The following KCP variants were observed in gnomAD, a reference collection of about 807,000 sequenced individuals.
KCP encodes kielin cysteine rich BMP regulator.
KCP carries 194 observed loss-of-function variants against 212.7 expected under a neutral mutation model. That is an observed-to-expected ratio of 0.91 (90% CI 0.81 to 1.03). The LOEUF (loss-of-function observed/expected upper bound fraction) is 1.03, where lower values mean the gene tolerates loss of function less well. Among genes scored for constraint, KCP ranks in the 50% least tolerant of loss-of-function variants. The probability of loss-of-function intolerance (pLI) is 0.00; values close to 1 mark genes in which losing one functional copy is unlikely to be tolerated. For synonymous variants in KCP, 833 were observed against 865.3 expected, an observed-to-expected ratio of 0.96 and a Z score of 0.65; for missense variants, 2,080 against 2,162.5, an observed-to-expected ratio of 0.96 and a Z score of 0.76.
intron 8 of KCP, among the ~76,000 whole-genome samples, chr7:128,896,000 C>T (rs1338776843): frequency 6.6e-6 from 1 of 152,144 alleles, no homozygotes; most frequent in Non-Finnish European, 1.5e-5. Flanking sequence ...TTTTCTTGTG[C>T]AAGATCCAAG....
chr7:128,879,320 C>T (rs1793176107), intron 37 of KCP: 4 of 574,170 alleles, frequency 7.0e-6, no homozygotes, highest in East Asian at 2.8e-5. Context: ...GATTAGAAAT[C>T]GGGCTCAGAA....
rs1431936054 is a variant in KCP at position 128,910,584 on chromosome 7, C to T, written c.76+17G>A. The T allele has an allele frequency of 1.3e-6, 2 of 1,511,250 alleles. No individual in the cohort carries two copies. Among genetic ancestry groups the T allele is most frequent in the East Asian group, 2.6e-5 (1 of 37,926 alleles). The allele number at this position is 1,511,250 out of a possible 1,614,324, so 93.6% of individuals were successfully genotyped here. On this transcript the variant is annotated intron_variant, in intron 1 of 39. Coordinates refer to ENST00000610776, the MANE Select transcript of KCP (RefSeq NM_001366122.1). ...GCGCACCTGGCCGGACCCCAAGCCT[C>T]CCGCACCTGGACTCACCTTCCGCGC...
intron 8 of KCP, among the ~76,000 whole-genome samples, chr7:128,899,872 A>ATGTAAGGAATCATGATTCGTTAAGG: frequency 6.6e-6 from 1 of 151,890 alleles, no homozygotes; most frequent in African/African-American, 2.4e-5. Flanking sequence ...TTAAGGAATC[A>ATGTAAGGAATCATGATTCGTTAAGG]AATTTGACTT....
rs1046906789 is a variant in KCP at position 128,885,187 on chromosome 7, C to T, written c.2950G>A (p.Glu984Lys). ...DSACSSCVCH[E>K]GVVTCARIQC... ...ATGCGTGCACAGGTGACGACGCCCT[C>T]GTGACACACACAGGAGGAGCAGGCA... Residue 984 changes from glutamate (E) to lysine (K), a missense_variant, in exon 27 of 40, where the codon GAG (glutamate) becomes AAG (lysine). Glu to Lys is a moderately conservative substitution (Grantham distance 56, BLOSUM62 1). Transcript: ENST00000610776. The T allele has an allele frequency of 7.7e-6, 12 of 1,550,714 alleles. No individual in the cohort carries two copies. The Admixed American group carries it at 1.2e-4, about 15-fold the overall frequency.
Position 128,908,548 on chromosome 7 carries a change from G to T in KCP, c.97C>A (p.Pro33Thr). 1 of 1,551,132 alleles carries T rather than the reference G, an allele frequency of 6.4e-7. No individual in the cohort carries two copies. Among genetic ancestry groups the T allele is most frequent in the Non-Finnish European group, 8.7e-7 (1 of 1,146,650 alleles). The change falls in exon 2 of 40, where the codon CCC (proline) becomes ACC (threonine). Residue 33 changes from proline to threonine, a missense_variant. Pro to Thr is a conservative substitution (Grantham distance 38). Coordinates refer to ENST00000610776, the MANE Select transcript of KCP (RefSeq NM_001366122.1). ...GAEGGAVPRE[P>T]PGQQTTAHSS... ...TGGGCAGTTGTCTGCTGCCCAGGGG[G>T]CTCCCTGGGGACAGCCCCACCTGAA...
chr7:128,894,235 C>T lies in KCP; in HGVS notation c.890G>A (p.Arg297Gln), dbSNP rs1350215429. Residue 297 changes from arginine to glutamine, a missense_variant, in exon 9 of 40, where the codon CGG (arginine) becomes CAG (glutamine). Coordinates refer to ENST00000610776, the MANE Select transcript of KCP (RefSeq NM_001366122.1). The stretch of plus-strand genomic sequence containing the variant: ...AGGGCAGCAGGTGCCTGGGAGGGGC[C>T]GGGCTGGGTATGGACACAGGCTGGC... ...ECASLCPYPA[R>Q]PLPGTCCPVC... 3.2e-6 allele frequency: 5 copies of T among 1,540,388 alleles called. No individual in the cohort carries two copies. The highest frequency in any genetic ancestry group is 2.5e-5 in the East Asian group (1 of 40,652).
intron 15 of KCP, 25 bp downstream of exon 15, chr7:128,892,663 G>A (rs1040154436): frequency 6.4e-7 from 1 of 1,551,006 alleles, no homozygotes; most frequent in African/African-American, 1.4e-5. Flanking sequence ...GGCTCAGCAG[G>A]GCAGCAGCAA....
At chr7:128,881,845 C>A in intron 30 of KCP, 92 bp downstream of exon 30, 1 of 1,411,916 alleles carries the variant, frequency 7.1e-7, no homozygotes, top group Admixed American at 2.1e-5. Flanking sequence ...GAATGGAGAG[C>A]CCTGGAGCTG....
Position 128,889,024 on chromosome 7 carries a change from C to G in KCP, c.2351G>C (p.Gly784Ala). Residue 784 changes from glycine (G) to alanine (A), a missense_variant, in exon 22 of 40, where the codon GGG becomes GCG. Coordinates refer to ENST00000610776, the MANE Select transcript of KCP (RefSeq NM_001366122.1). ...CTCCTGGTTACTCAGGTAGGACTCC[C>G]CCAGGTACTCACAGCCTTTCAGAGA... ...CPDCDGCEYL[G>A]ESYLSNQEFP... 6.6e-7 allele frequency: 1 copy of G among 1,509,770 alleles called. No individual in the cohort carries two copies. Among genetic ancestry groups the G allele is most frequent in the Non-Finnish European group, 8.9e-7 (1 of 1,124,858 alleles). 93.5% of individuals were successfully genotyped at this position (1,509,770 alleles called of 1,614,324 possible).
At chr7:128,879,189 C>G (rs1793167924) in intron 37 of KCP, 3 of 388,288 alleles carry the variant, frequency 7.7e-6, no homozygotes, top group Non-Finnish European at 1.4e-5. Context: ...CCTGAGACAC[C>G]CCCCCAGGAG....
At chr7:128,884,247 A>C in intron 28 of KCP, 125 bp from the exon 29 acceptor site, 1 of 1,226,642 alleles carries the variant, frequency 8.2e-7, no homozygotes, top group Non-Finnish European at 1.1e-6. Context: ...TGGGCCCTGA[A>C]CTCAAGGCTG....
Position 128,892,443 on chromosome 7 carries a change from G to T in KCP, c.1621+71C>A. ...GCCATTGCTTTCTAAGGTACCTGTT[G>T]GGCCCATGGGGCTGTGGGACAGCAG... On this transcript the variant is annotated intron_variant, in intron 16 of 39. Coordinates refer to ENST00000610776, the MANE Select transcript of KCP (RefSeq NM_001366122.1). 3 of 1,117,686 alleles carry T rather than the reference G, an allele frequency of 2.7e-6. No individual in the cohort carries two copies. In the South Asian group the frequency reaches 4.9e-5, roughly 18 times the overall value. 69.2% of individuals were successfully genotyped at this position (1,117,686 alleles called of 1,614,324 possible). A position where few individuals can be genotyped will look rare whatever the true frequency, so the allele number is the denominator to read the frequency against.
At chr7:128,880,300 CCTCT>C in intron 34 of KCP, 82 bp downstream of exon 34, 2 of 1,435,408 alleles carry the variant, frequency 1.4e-6, no homozygotes, top group South Asian at 2.9e-5. Context: ...GCCCAGCCTC[CCTCT>C]CTGATGCCTG....
chr7:128,888,099 CAT>C (rs1451646255), intron 22 of KCP, among the ~76,000 whole-genome samples: 2 of 142,436 alleles, frequency 1.4e-5, no homozygotes, highest in Non-Finnish European at 3.1e-5. Flanking sequence ...CACATACCCA[CAT>C]ACACACAGCT....
In KCP at chr7:128,903,106, A is replaced by G. The variant is rs928804819; in HGVS notation, c.749-247T>C. On this transcript the variant is annotated intron_variant, in intron 7 of 39. Coordinates refer to ENST00000610776, the MANE Select transcript of KCP (RefSeq NM_001366122.1). Reference sequence around the variant, plus strand: ...GAGCATAGCCACACCCATGTGCCCCACCTATCTCTGGCCCCTCGTCACCTC... The same window carrying G: ...GAGCATAGCCACACCCATGTGCCCCGCCTATCTCTGGCCCCTCGTCACCTC... 3 of 548,306 alleles carry G rather than the reference A, an allele frequency of 5.5e-6. No homozygotes were observed. In the Admixed American group the frequency reaches 9.9e-5, roughly 18 times the overall value. 34.0% of individuals were successfully genotyped at this position (548,306 alleles called of 1,614,324 possible).
chr7:128,908,390 CT>C, intron 2 of KCP, 35 bp downstream of exon 2: 1 of 1,535,632 alleles, frequency 6.5e-7, no homozygotes, highest in Non-Finnish European at 8.8e-7. Context: ...AGAAGCCCTC[CT>C]TACCCAATGC....
chr7:128,907,384 A>G lies in KCP; in HGVS notation c.289T>C (p.Trp97Arg), dbSNP rs1241281088. ...TCGGGCCAGGCACGCCCCAGCCCCCAGCACTGGGGAGATGCAGGGTGGCAC... is the reference window on the plus strand; with the variant it reads ...TCGGGCCAGGCACGCCCCAGCCCCCGGCACTGGGGAGATGCAGGGTGGCAC... The part of the protein sequence containing the change: ...CECHPASPQC[W>R]GLGRAWPEGA... The change falls in exon 3 of 40, where the codon TGG becomes CGG. Residue 97 changes from tryptophan to arginine, a missense_variant. Trp to Arg is a moderately radical substitution (Grantham distance 101, BLOSUM62 -3). Transcript: ENST00000610776. The G allele has an allele frequency of 6.5e-7, 1 of 1,534,818 alleles. No individual in the cohort carries two copies. The highest frequency in any genetic ancestry group is 8.8e-7 in the Non-Finnish European group (1 of 1,133,982).
Position 128,886,711 on chromosome 7 carries a change from G to A in KCP, c.2716C>T (p.Gln906Ter), listed in dbSNP as rs1317618189. Residue 906 changes from glutamine (Q) to a stop codon, truncating the protein, a stop_gained, in exon 25 of 40, where the codon CAG (glutamine) becomes TAG (stop). Coordinates refer to ENST00000610776, the MANE Select transcript of KCP (RefSeq NM_001366122.1). LOFTEE classifies it high-confidence loss of function. ...HSCLSQGREH[Q>*]DGEEFEGPAG... is the part of the protein sequence containing the mutation. ...GGTCCCTCAAACTCCTCCCCATCCT[G>A]GTGCTCCCGGCCCTGAGAGAGACAG... The A allele has an allele frequency of 1.3e-6, 2 of 1,551,484 alleles. No homozygotes were observed. Among genetic ancestry groups the A allele is most frequent in the Admixed American group, 3.9e-5 (2 of 50,972 alleles).
rs113767495 is a variant in KCP at position 128,904,337 on chromosome 7, T to C, written c.572-199A>G. 37 of 1,551,890 alleles carry C rather than the reference T, an allele frequency of 2.4e-5. No individual in the cohort carries two copies. The African/African-American group carries it at 4.6e-4, about 19-fold the overall frequency. ...AGGTGGGGTGCAGCTCTCCAAGCAG[T>C]TGAGCTCTGAACACGAGGGCCCCTG... On this transcript the variant is annotated intron_variant, in intron 5 of 39. Transcript: ENST00000610776.
Sources: allele counts gnomAD v4.1 joint callset (sites outside exome capture counted in the v4.1 genomes callset), GRCh38; gene constraint gnomAD v4.1.1; transcripts MANE v1.5; gene names NCBI Gene and HGNC (gene_info 2026-07-23, HGNC 2026-07-21).